SHC3: variants seen among roughly 807,000 people sequenced by gnomAD.
The protein encoded by SHC3 is SHC adaptor protein 3, also known as SHC-transforming protein 3.
SHC3 carries 15 observed loss-of-function variants against 60.4 expected under a neutral mutation model. The observed-to-expected ratio is 0.25, with a 90% CI of 0.17 to 0.38. The LOEUF is 0.38. SHC3 is among the 10% of genes least tolerant of loss of function. SHC3 has a pLI of 1.00. For missense variants in SHC3, 677 were observed against 786.1 expected (o/e 0.86, Z 1.66); for synonymous variants, 294 against 325.9 (o/e 0.90, Z 1.05).
At chr9:89,149,626 T>C (rs946224075) in intron 1 of SHC3, among the ~76,000 whole-genome samples, 1 of 152,214 alleles carries the variant, frequency 6.6e-6, no homozygotes, top group Admixed American at 6.5e-5. Flanking sequence ...TGGTTCATTT[T>C]ATTTAATATA....
intron 1 of SHC3, among the ~76,000 whole-genome samples, chr9:89,119,145 T>G (rs769093828): frequency 5.3e-5 from 8 of 152,144 alleles, no homozygotes; most frequent in Non-Finnish European, 1.0e-4. Flanking sequence ...TAAAAAATTA[T>G]GTTTATATAT....
At chr9:89,088,868 C>G (rs1825574607) in intron 2 of SHC3, 1 of 152,538 alleles carries the variant, frequency 6.6e-6, no homozygotes, top group Non-Finnish European at 1.5e-5. Flanking sequence ...GGGGAGAACC[C>G]AGCAGAGGCC....
At chr9:89,110,222 AG>A in intron 2 of SHC3, 1 of 985,430 alleles carries the variant, frequency 1.0e-6, no homozygotes, top group Non-Finnish European at 1.2e-6. Flanking sequence ...GTGTATACAA[AG>A]TGAAATGCTG....
intron 11 of SHC3, 92 bp downstream of exon 11, chr9:89,037,901 G>T: frequency 6.8e-7 from 1 of 1,472,522 alleles, no homozygotes; most frequent in South Asian, 1.3e-5. Flanking sequence ...GGATAGAGGT[G>T]GGAATGTGGA....
chr9:89,016,058 T>C (rs1826088036), intron 11 of SHC3, among the ~76,000 whole-genome samples: 1 of 151,550 alleles, frequency 6.6e-6, no homozygotes, highest in Admixed American at 6.6e-5. Flanking sequence ...GTAGAAAAAA[T>C]AAATGAAACC....
chr9:89,076,806 T>C (rs532597806), intron 3 of SHC3, among the ~76,000 whole-genome samples: 14 of 152,266 alleles, frequency 9.2e-5, no homozygotes, highest in African/African-American at 2.6e-4. Flanking sequence ...TTCAGAATTT[T>C]ATAATCTGAC....
chr9:89,129,019 G>A (rs905129752), intron 1 of SHC3, among the ~76,000 whole-genome samples: 2 of 152,112 alleles, frequency 1.3e-5, no homozygotes, highest in African/African-American at 4.8e-5. Context: ...AAAAAGATTG[G>A]ATGAATGGCT....
rs928943903 is a variant in SHC3, at chr9:89,006,781, G to C, written c.*6666C>G. The stretch of plus-strand genomic sequence containing the variant: ...GTTATATTCAAAAGTCAAATGAACA[G>C]AGAACATTCCACTTGCAACCAACAC... On this transcript the variant is annotated 3_prime_UTR_variant, in exon 12 of 12. Coordinates refer to ENST00000375835, the MANE Select transcript of SHC3 (RefSeq NM_016848.6). 1.2e-4 allele frequency: 18 copies of C among 152,298 alleles called. No individual in the cohort carries two copies. The highest frequency in any genetic ancestry group is 4.3e-4 in the African/African-American group (18 of 41,566). 9.4% of individuals were successfully genotyped at this position (152,298 alleles called of 1,614,324 possible). A position where few individuals can be genotyped will look rare whatever the true frequency, so the allele number is the denominator to read the frequency against.
chr9:89,130,890 CAAGAAATAACT>C, intron 1 of SHC3, among the ~76,000 whole-genome samples: 1 of 152,002 alleles, frequency 6.6e-6, no homozygotes, highest in Admixed American at 6.5e-5. Flanking sequence ...TAGCAGAAGG[CAAGAAATAACT>C]AAGATCAGAG....
At chr9:89,122,419 T>C (rs1349648177) in intron 1 of SHC3, among the ~76,000 whole-genome samples, 1 of 152,218 alleles carries the variant, frequency 6.6e-6, no homozygotes, top group Non-Finnish European at 1.5e-5. Context: ...AATCCACTCA[T>C]CTAAATTGTC....
At chr9:89,138,592 G>C (rs1036072788) in intron 1 of SHC3, among the ~76,000 whole-genome samples, 2 of 152,150 alleles carry the variant, frequency 1.3e-5, no homozygotes, top group African/African-American at 4.8e-5. Context: ...CCAAACTCCT[G>C]TCTCATCCTG....
intron 1 of SHC3, among the ~76,000 whole-genome samples, chr9:89,149,759 A>T (rs1169681157): frequency 1.3e-5 from 2 of 152,228 alleles, no homozygotes; most frequent in Non-Finnish European, 2.9e-5. Context: ...TTGTAGTTTC[A>T]CTTTCTGTGG....
At chr9:89,125,845 T>G (rs1397716945) in intron 1 of SHC3, among the ~76,000 whole-genome samples, 2 of 152,172 alleles carry the variant, frequency 1.3e-5, no homozygotes, top group Non-Finnish European at 2.9e-5. Context: ...TCATGAATTA[T>G]CTACCCATTG....
intron 1 of SHC3, among the ~76,000 whole-genome samples, chr9:89,127,871 C>G (rs76144397): frequency 0.011 from 1,627 of 152,010 alleles, 14 homozygotes; most frequent in South Asian, 0.034. Flanking sequence ...AAATGGGACC[C>G]TTAATTTTTG....
At chr9:89,064,643 G>A (rs1193373413) in intron 6 of SHC3, among the ~76,000 whole-genome samples, 3 of 152,100 alleles carry the variant, frequency 2.0e-5, no homozygotes, top group African/African-American at 7.2e-5. Context: ...CCAGGCAGTG[G>A]CGTGGGGGAT....
chr9:89,075,089 G>C lies in SHC3; in HGVS notation c.729+20C>G. On this transcript the variant is annotated intron_variant, in intron 4 of 11. Transcript: ENST00000375835. ...ACCTGGGGCTGTGGGCAGGGACAGG[G>C]GATCTGAGCACCCATGTACCTGTTT... 1.9e-6 allele frequency: 3 copies of C among 1,612,126 alleles called. No individual in the cohort carries two copies. The highest frequency in any genetic ancestry group is 1.7e-4 in the Middle Eastern group (1 of 6,024).
intron 11 of SHC3, among the ~76,000 whole-genome samples, chr9:89,035,830 A>T (rs867626691): frequency 0.01 from 1,095 of 106,286 alleles, 20 homozygotes; most frequent in African/African-American, 0.035. Flanking sequence ...AAACAAACAA[A>T]ATATATATAT....
Position 89,045,771 on chromosome 9 carries a change from G to A in SHC3, c.1176C>T (p.Asp392=). 6.2e-7 allele frequency: 1 copy of A among 1,614,124 alleles called. No individual in the cohort carries two copies. Among genetic ancestry groups the A allele is most frequent in the South Asian group, 1.1e-5 (1 of 91,080 alleles). ...CTTGCCTTAAAGGTGTTTGCTGCCA[G>A]TCTTCGCCAAAAGTGTCTCCTAAGT... ...GRHLGDTFGE[D]WQQTPLRQGS... The change falls in exon 9 of 12, where the codon GAC becomes GAT. Residue 392 remains aspartate (D), a synonymous_variant. Transcript: ENST00000375835.
rs762056147 is a variant in SHC3, at chr9:89,075,118, G to T, written c.720C>A (p.Asp240Glu). Residue 240 changes from aspartate to glutamate, a missense_variant, in exon 4 of 12, where the codon GAC (aspartate) becomes GAA (glutamate). By Grantham distance (45) the Asp-to-Glu change is conservative (BLOSUM62 2). Coordinates refer to ENST00000375835, the MANE Select transcript of SHC3 (RefSeq NM_016848.6). ...CTGAGCACCCATGTACCTGTTTGGA[G>T]TCCGGAGTTCGCAGGTTCAGACTGG... ...STASLNLRTP[D>E]SKQIIANHHM... 6 of 1,613,986 alleles carry T rather than the reference G, an allele frequency of 3.7e-6. No homozygotes were observed. The highest frequency in any genetic ancestry group is 5.1e-6 in the Non-Finnish European group (6 of 1,179,896).
Sources: allele counts gnomAD v4.1 joint callset (sites outside exome capture counted in the v4.1 genomes callset), GRCh38; gene constraint gnomAD v4.1.1; transcripts MANE v1.5; gene names NCBI Gene and HGNC (gene_info 2026-07-23, HGNC 2026-07-21).